IQCJ: variants seen among roughly 807,000 people sequenced by gnomAD.
The protein encoded by IQCJ is IQ motif containing J, also known as IQ domain-containing protein J.
Under a neutral mutation model 11.0 loss-of-function variants are expected in IQCJ, and 9 were observed. The ratio of observed to expected loss-of-function variants is 0.82; its 90% CI spans 0.49 to 1.43. IQCJ has a LOEUF of 1.43. IQCJ is among the 40% of genes most tolerant of loss of function. IQCJ has a pLI of 0.00. For missense variants in IQCJ, 146 were observed against 133.2 expected (o/e 1.10, Z -0.47); for synonymous variants, 55 against 51.3 (o/e 1.07, Z -0.31).
Position 159,236,268 on chromosome 3 carries a change from G to GAA in IQCJ, c.10-9558_10-9557dup, listed in dbSNP as rs35351745. 7.8e-3 allele frequency among the ~76,000 whole-genome samples: 877 copies of GAA among 112,960 alleles called. 10 individuals are homozygous for GAA. The highest frequency in any genetic ancestry group is 9.8e-3 in the Non-Finnish European group (570 of 57,972). The allele number at this position is 112,960 out of a possible 152,430, so 74.1% of individuals were successfully genotyped here. On this transcript the variant is annotated intron_variant, in intron 1 of 3. Coordinates refer to ENST00000397832, the MANE Select transcript of IQCJ (RefSeq NM_001042706.3). Reference sequence around the variant, plus strand: ...CATAAACAAAATGTATGCTCCTTTTGAAAAAAAAAAAAAAAAAACCAAGGA... The same window carrying GAA: ...CATAAACAAAATGTATGCTCCTTTTGAAAAAAAAAAAAAAAAAAAACCAAGGA...
intron 3 of IQCJ, among the ~76,000 whole-genome samples, chr3:159,257,085 T>C (rs543907712): frequency 6.6e-5 from 10 of 152,194 alleles, no homozygotes; most frequent in Non-Finnish European, 1.5e-4. Flanking sequence ...GATAAAACTT[T>C]TTCTTCTTTG....
At chr3:159,101,694 G>A (rs548619334) in intron 1 of IQCJ, among the ~76,000 whole-genome samples, 24 of 152,250 alleles carry the variant, frequency 1.6e-4, no homozygotes, top group African/African-American at 5.5e-4. Context: ...CCCATCTACT[G>A]TGTTTCTGAC....
chr3:159,198,040 G>A (rs1359860012), intron 1 of IQCJ, among the ~76,000 whole-genome samples: 1 of 152,118 alleles, frequency 6.6e-6, no homozygotes, highest in African/African-American at 2.4e-5. Context: ...TGATTCTCTG[G>A]TTGAATTATA....
chr3:159,167,856 A>G (rs1292350439), intron 1 of IQCJ, among the ~76,000 whole-genome samples: 1 of 152,214 alleles, frequency 6.6e-6, no homozygotes, highest in Non-Finnish European at 1.5e-5. Flanking sequence ...TGGCCATGAT[A>G]GAGGAGGAAG....
At chr3:159,236,009 T>C (rs375050663) in intron 1 of IQCJ, among the ~76,000 whole-genome samples, 2 of 152,190 alleles carry the variant, frequency 1.3e-5, no homozygotes, top group African/African-American at 2.4e-5. Flanking sequence ...CTGAATCTCG[T>C]TGGACATTCA....
chr3:159,242,438 A>G (rs1381619719), intron 1 of IQCJ, among the ~76,000 whole-genome samples: 9 of 152,050 alleles, frequency 5.9e-5, no homozygotes, highest in Non-Finnish European at 1.3e-4. Flanking sequence ...CGGTCTTTCT[A>G]TTTTATTATC....
chr3:159,144,679 C>CACAT (rs1329684532), intron 1 of IQCJ, among the ~76,000 whole-genome samples: 1 of 149,440 alleles, frequency 6.7e-6, no homozygotes, highest in African/African-American at 2.5e-5. Flanking sequence ...CACACACACA[C>CACAT]ACACACACAC....
intron 1 of IQCJ, among the ~76,000 whole-genome samples, chr3:159,131,578 G>A (rs1490609541): frequency 2.6e-5 from 4 of 152,098 alleles, no homozygotes; most frequent in Non-Finnish European, 2.9e-5. Flanking sequence ...AATTCTCACT[G>A]AGCTTTAGTA....
intron 1 of IQCJ, among the ~76,000 whole-genome samples, chr3:159,243,394 T>C (rs951341278): frequency 1.3e-5 from 2 of 152,120 alleles, no homozygotes; most frequent in Admixed American, 1.3e-4. Flanking sequence ...AACAGGAGAA[T>C]GGATTGTTGT....
chr3:159,163,930 C>CACCATAATTACATGGTGATT (rs1462387919), intron 1 of IQCJ, among the ~76,000 whole-genome samples: 1 of 151,892 alleles, frequency 6.6e-6, no homozygotes, highest in Non-Finnish European at 1.5e-5. Context: ...CATTCTCTTT[C>CACCATAATTACATGGTGATT]ACCATAATTA....
intron 3 of IQCJ, 100 bp downstream of exon 3, chr3:159,252,907 T>G: frequency 8.6e-7 from 1 of 1,169,570 alleles, no homozygotes; most frequent in South Asian, 1.5e-5. Context: ...CATCTTTATT[T>G]TACATTCATG....
intron 1 of IQCJ, among the ~76,000 whole-genome samples, chr3:159,182,525 G>A (rs984068408): frequency 4.6e-5 from 7 of 151,974 alleles, no homozygotes; most frequent in South Asian, 2.1e-4. Context: ...CGGGGGCATC[G>A]GCAAGACTCC....
intron 1 of IQCJ, among the ~76,000 whole-genome samples, chr3:159,226,106 C>G (rs1028073491): frequency 1.3e-5 from 2 of 152,180 alleles, no homozygotes; most frequent in African/African-American, 4.8e-5. Flanking sequence ...TTCACCAGCC[C>G]TTCACACCCC....
chr3:159,166,445 T>G lies in IQCJ; in HGVS notation c.10-79398T>G, dbSNP rs561017845. ...CATGAGAATTCTTATAATCTGTCTT[T>G]GATGTCTTTGGAGTTAAAATTATGT... is the stretch of plus-strand genomic sequence containing the variant. On this transcript the variant is annotated intron_variant, in intron 1 of 3. Transcript: ENST00000397832. Among the ~76,000 whole-genome samples, 4 of 152,320 alleles carry G rather than the reference T, an allele frequency of 2.6e-5. No individual in the cohort carries two copies. In the South Asian group the frequency reaches 6.2e-4, roughly 24 times the overall value.
Position 159,091,827 on chromosome 3 carries a change from T to C in IQCJ, c.9+22386T>C, listed in dbSNP as rs374910716. On this transcript the variant is annotated intron_variant, in intron 1 of 3. Transcript: ENST00000397832. ...ATAAAAATTTTAAAAGCCCATGGGT[T>C]CATAGTGATTCTAAAAAGAAAGAGA... 2.8e-4 allele frequency among the ~76,000 whole-genome samples: 43 copies of C among 151,702 alleles called. 2 individuals are homozygous for C. Among genetic ancestry groups the C allele is most frequent in the African/African-American group, 1.0e-3 (43 of 41,034 alleles).
chr3:159,171,282 G>A (rs145024930), intron 1 of IQCJ, among the ~76,000 whole-genome samples: 11 of 152,200 alleles, frequency 7.2e-5, no homozygotes, highest in African/African-American at 2.4e-4. Flanking sequence ...ATTTGTTTAC[G>A]TACATGAATG....
chr3:159,085,378 A>G (rs1716659338), intron 1 of IQCJ, among the ~76,000 whole-genome samples: 1 of 152,102 alleles, frequency 6.6e-6, no homozygotes, highest in Admixed American at 6.6e-5. Context: ...CAATAAACAT[A>G]CATGTGCATG....
intron 3 of IQCJ, among the ~76,000 whole-genome samples, chr3:159,253,733 G>A (rs934363673): frequency 3.3e-5 from 5 of 152,050 alleles, no homozygotes; most frequent in African/African-American, 9.7e-5. Flanking sequence ...GTTTTTTAAC[G>A]TGCAAGGAGG....
intron 3 of IQCJ, among the ~76,000 whole-genome samples, chr3:159,256,440 AT>A (rs1727902119): frequency 6.6e-6 from 1 of 152,212 alleles, no homozygotes; most frequent in Admixed American, 6.5e-5. Context: ...CCCTTATTAA[AT>A]TGCATTTGAG....
Sources: allele counts gnomAD v4.1 joint callset (sites outside exome capture counted in the v4.1 genomes callset), GRCh38; gene constraint gnomAD v4.1.1; transcripts MANE v1.5; gene names NCBI Gene and HGNC (gene_info 2026-07-23, HGNC 2026-07-21).